The following SERAC1 variants were observed in gnomAD, a reference collection of about 807,000 sequenced individuals.
The protein encoded by SERAC1 is serine active site containing 1, also known as protein SERAC1.
A neutral mutation model predicts 85.7 loss-of-function variants in SERAC1; 36 were observed. The observed-to-expected ratio is 0.42, with a 90% CI of 0.32 to 0.55. The LOEUF (loss-of-function observed/expected upper bound fraction) is 0.55. Ranked by LOEUF, SERAC1 falls within the 20% of genes least tolerant of loss-of-function variation. SERAC1 has a pLI of 0.11. For synonymous variants in SERAC1, 242 were observed against 265.3 expected, an observed-to-expected ratio of 0.91 and a Z score of 0.85; for missense variants, 629 against 796.2, an observed-to-expected ratio of 0.79 and a Z score of 2.53.
At chr6:158,166,592 TC>T (rs1188348709) in intron 1 of SERAC1, among the ~76,000 whole-genome samples, 3 of 152,184 alleles carry the variant, frequency 2.0e-5, no homozygotes, top group Non-Finnish European at 4.4e-5. Context: ...AAAACTGACA[TC>T]TTTTTGTTGA....
Position 158,119,298 on chromosome 6 carries a change from G to T in SERAC1, c.1167-128C>A. 9.0e-7 allele frequency: 1 copy of T among 1,116,296 alleles called. No homozygotes were observed. Among genetic ancestry groups the T allele is most frequent in the Non-Finnish European group, 1.2e-6 (1 of 812,932 alleles). 69.1% of individuals were successfully genotyped at this position (1,116,296 alleles called of 1,614,324 possible). On this transcript the variant is annotated intron_variant, in intron 11 of 16. Coordinates refer to ENST00000647468, the MANE Select transcript of SERAC1 (RefSeq NM_032861.4). The surrounding 1 kb of genome is among the most constrained non-coding windows in gnomAD (Gnocchi z 4.5). ...GTGACATAAAACTGAATTAAAGCAA[G>T]CTCTATAAGCACAGGTTTGCTGGGA... is the stretch of plus-strand genomic sequence containing the variant.
intron 8 of SERAC1, among the ~76,000 whole-genome samples, chr6:158,137,993 G>A (rs1019923814): frequency 2.0e-5 from 3 of 152,174 alleles, no homozygotes; most frequent in East Asian, 1.9e-4. Flanking sequence ...GTCAGAAGAC[G>A]CAGGTCCTCT....
intron 15 of SERAC1, chr6:158,114,416 T>TAATA: frequency 1.1e-6 from 1 of 907,198 alleles, no homozygotes; most frequent in East Asian, 8.4e-5. Context: ...ACTTTAAAAT[T>TAATA]AATACTAACA....
chr6:158,119,166 G>T lies in SERAC1; in HGVS notation c.1171C>A (p.Pro391Thr). The T allele has an allele frequency of 6.2e-7, 1 of 1,609,024 alleles. No individual in the cohort carries two copies. The highest frequency in any genetic ancestry group is 8.5e-7 in the Non-Finnish European group (1 of 1,177,198). ...ATAAAAAGGACATCTGCTTTAATGGGCTGACTAATAGGGGAGAGAGTTTTA... is the reference window on the plus strand; with the variant it reads ...ATAAAAAGGACATCTGCTTTAATGGTCTGACTAATAGGGGAGAGAGTTTTA... Reference protein sequence around the residue: ...VLHPQYRTSQPIKADVLFIHG... With the variant: ...VLHPQYRTSQTIKADVLFIHG... The change falls in exon 12 of 17, where the codon CCC (proline) becomes ACC (threonine). Residue 391 changes from proline (P) to threonine (T), a missense_variant. Physicochemically the swap from Pro to Thr is conservative, Grantham distance 38. Transcript: ENST00000647468. This position sits in a 1 kb window ranked among gnomAD's most constrained non-coding sequence, Gnocchi z 4.5.
chr6:158,135,567 A>T (rs1156385726), intron 8 of SERAC1, among the ~76,000 whole-genome samples: 4 of 152,134 alleles, frequency 2.6e-5, no homozygotes, highest in African/African-American at 9.7e-5. Context: ...TTACCGGGAA[A>T]ATTCAAATAT....
At chr6:158,156,807 TA>T in intron 2 of SERAC1, among the ~76,000 whole-genome samples, 1 of 138,422 alleles carries the variant, frequency 7.2e-6, no homozygotes, top group Non-Finnish European at 1.5e-5. Flanking sequence ...AAATGTATAA[TA>T]TATTTATATA....
At chr6:158,115,422 G>A (rs1784262136) in intron 14 of SERAC1, among the ~76,000 whole-genome samples, 1 of 152,190 alleles carries the variant, frequency 6.6e-6, no homozygotes, top group African/African-American at 2.4e-5. Flanking sequence ...TTCCTCTGGA[G>A]GCACCTTTTC....
intron 2 of SERAC1, among the ~76,000 whole-genome samples, chr6:158,156,658 A>G (rs968171816): frequency 2.7e-5 from 4 of 149,966 alleles, no homozygotes; most frequent in Admixed American, 6.8e-5. Context: ...CTTCTGTTAC[A>G]TGCACTGAGC....
chr6:158,111,619 C>T, intron 16 of SERAC1, 117 bp from the exon 17 acceptor site: 2 of 725,856 alleles, frequency 2.8e-6, no homozygotes, highest in Non-Finnish European at 4.2e-6. Context: ...ACAAGGGACT[C>T]TTAAAAGATA....
intron 3 of SERAC1, among the ~76,000 whole-genome samples, chr6:158,152,413 G>C (rs112341626): frequency 0.2 from 30,794 of 152,046 alleles, 3,213 homozygotes; most frequent in East Asian, 0.3. Context: ...CTACTCAGGA[G>C]GCTGAGACAG....
chr6:158,144,226 T>C, intron 7 of SERAC1, 73 bp downstream of exon 7: 1 of 1,218,994 alleles, frequency 8.2e-7, no homozygotes, highest in Non-Finnish European at 1.1e-6. Context: ...TAAAGTGTTT[T>C]GTACCCCAAG....
intron 10 of SERAC1, among the ~76,000 whole-genome samples, chr6:158,127,201 C>T (rs1784559056): frequency 6.6e-6 from 1 of 152,036 alleles, no homozygotes; most frequent in South Asian, 2.1e-4. Context: ...GTTCTAAGGA[C>T]CCATAACTAA....
chr6:158,167,098 T>C (rs1232524954), intron 1 of SERAC1, among the ~76,000 whole-genome samples: 1 of 151,734 alleles, frequency 6.6e-6, no homozygotes, highest in Non-Finnish European at 1.5e-5. Context: ...TTGGAGGCAA[T>C]TTTTTTATTT....
Position 158,114,789 on chromosome 6 carries a change from C to A in SERAC1, c.1684G>T (p.Asp562Tyr). ...TTTCCTTTATGACAAAAAGTATTAC[C>A]CTTGCTGAGTTCTTTGACTTCCAAC... ...PSLEVKELSKDSPALKTLQDD... is the reference protein window; with the variant it reads ...PSLEVKELSKYSPALKTLQDD... Residue 562 changes from aspartate to tyrosine, a missense_variant and splice_region_variant, in exon 15 of 17, where the codon GAT (aspartate) becomes TAT (tyrosine). Coordinates refer to ENST00000647468, the MANE Select transcript of SERAC1 (RefSeq NM_032861.4). 6.2e-7 allele frequency: 1 copy of A among 1,613,642 alleles called. No individual in the cohort carries two copies. The highest frequency in any genetic ancestry group is 1.1e-5 in the South Asian group (1 of 91,048).
At chr6:158,118,100 C>G (rs1305241638) in intron 12 of SERAC1, among the ~76,000 whole-genome samples, 2 of 152,158 alleles carry the variant, frequency 1.3e-5, no homozygotes, top group Non-Finnish European at 2.9e-5. Context: ...GTTTTAAAGT[C>G]TAGATCAAGT....
At chr6:158,151,287 C>T (rs1479555558) in intron 3 of SERAC1, among the ~76,000 whole-genome samples, 1 of 152,136 alleles carries the variant, frequency 6.6e-6, no homozygotes, top group African/African-American at 2.4e-5. Flanking sequence ...TAGCAAGGCA[C>T]GTAGTCTCAG....
intron 1 of SERAC1, among the ~76,000 whole-genome samples, chr6:158,162,771 TC>T (rs2128426012): frequency 6.6e-6 from 1 of 152,314 alleles, no homozygotes; most frequent in Non-Finnish European, 1.5e-5. Flanking sequence ...TTCTAAAACT[TC>T]CAGTTGGCTC....
chr6:158,115,116 T>G, intron 14 of SERAC1, 145 bp from the exon 15 acceptor site: 20 of 806,960 alleles, frequency 2.5e-5, no homozygotes, highest in Non-Finnish European at 3.5e-5. Flanking sequence ...CTCTGTACAG[T>G]AGTATAAGAA....
chr6:158,128,480 A>G (rs766646999), intron 9 of SERAC1, among the ~76,000 whole-genome samples: 4 of 152,170 alleles, frequency 2.6e-5, no homozygotes, highest in Non-Finnish European at 4.4e-5. Context: ...AATCCCAAGA[A>G]GGCATCTCTC....
Sources: gnomAD v4.1 joint callset for allele counts (sites outside exome capture counted in the v4.1 genomes callset) on GRCh38, gnomAD v4.1.1 for gene constraint, Gnocchi (gnomAD v3.1) non-coding constraint, MANE v1.5 for transcripts, NCBI Gene and HGNC (gene_info 2026-07-23, HGNC 2026-07-21) for gene names.